Variants in ATP9B observed in about 807,000 individuals in gnomAD.
ATP9B encodes the protein ATPase phospholipid transporting 9B, also known as probable phospholipid-transporting ATPase IIB.
Under a neutral mutation model 146.1 loss-of-function variants are expected in ATP9B, and 110 were observed. The observed-to-expected ratio is 0.75, with a 90% CI of 0.65 to 0.88. The LOEUF (loss-of-function observed/expected upper bound fraction) is 0.88. ATP9B is among the 40% of genes least tolerant of loss of function. The pLI, the probability that ATP9B is intolerant of heterozygous loss-of-function variation, is 0.00. For synonymous variants in ATP9B, 604 were observed against 569.7 expected (o/e 1.06, Z -0.86); for missense variants, 1,499 against 1,496.4 (o/e 1.00, Z -0.03).
intron 9 of ATP9B, among the ~76,000 whole-genome samples, chr18:79,198,392 A>G (rs767788183): frequency 6.6e-6 from 1 of 152,254 alleles, no homozygotes; most frequent in Non-Finnish European, 1.5e-5. Context: ...ATTTCAGAAC[A>G]TAATGAGAAA....
At chr18:79,327,409 T>C (rs1380648221) in intron 15 of ATP9B, among the ~76,000 whole-genome samples, 6 of 151,850 alleles carry the variant, frequency 4.0e-5, no homozygotes. Flanking sequence ...GCTGCAGTGG[T>C]GTGGGACGTT....
intron 11 of ATP9B, among the ~76,000 whole-genome samples, chr18:79,231,546 A>G (rs1599112833): frequency 1.3e-5 from 2 of 152,140 alleles, no homozygotes; most frequent in Non-Finnish European, 2.9e-5. Flanking sequence ...GTGGGAATGT[A>G]AACTAGTACA....
At position 79,110,351 on chromosome 18, in the gene ATP9B, A is replaced by G; in HGVS notation, c.294-4A>G. ...ACACAATACGTATCTTTTGTTTCAT[A>G]CAGTTGCTGTGGTTGGCTGATAAAT... On this transcript the variant is annotated splice_polypyrimidine_tract_variant and splice_region_variant and intron_variant, in intron 2 of 29. Coordinates refer to ENST00000426216, the MANE Select transcript of ATP9B (RefSeq NM_198531.5). The G allele has an allele frequency of 1.3e-6, 2 of 1,582,740 alleles. No homozygotes were observed. Among genetic ancestry groups the G allele is most frequent in the Non-Finnish European group, 1.7e-6 (2 of 1,167,524 alleles).
At chr18:79,136,347 T>G (rs975671876) in intron 5 of ATP9B, among the ~76,000 whole-genome samples, 2 of 152,190 alleles carry the variant, frequency 1.3e-5, no homozygotes, top group Non-Finnish European at 2.9e-5. Flanking sequence ...TGTTTTGTTG[T>G]TTTTTGAGGG....
intron 23 of ATP9B, among the ~76,000 whole-genome samples, chr18:79,346,991 C>G (rs2096892911): frequency 6.6e-6 from 1 of 152,256 alleles, no homozygotes; most frequent in Non-Finnish European, 1.5e-5. Context: ...TGTTGGCGGA[C>G]TGGCGTACAG....
In ATP9B at chr18:79,347,945, G is replaced by A. The variant is rs772705769; in HGVS notation, c.2838+20G>A. On this transcript the variant is annotated intron_variant, in intron 24 of 29. Transcript: ENST00000426216. ...ATGCAGGTACTAAGCCTTCTGTGCT[G>A]GCACCCATGGAGGGCAGGGTCCAGG... The A allele has an allele frequency of 6.2e-7, 1 of 1,608,188 alleles. No individual in the cohort carries two copies.
chr18:79,343,905 G>A (rs1600205900), intron 20 of ATP9B: 1 of 336,400 alleles, frequency 3.0e-6, no homozygotes, highest in South Asian at 2.8e-5. Flanking sequence ...TGTTAAGGGA[G>A]TGTATGTATA....
intron 13 of ATP9B, among the ~76,000 whole-genome samples, chr18:79,289,644 G>T (rs2096481745): frequency 6.6e-6 from 1 of 152,216 alleles, no homozygotes; most frequent in South Asian, 2.1e-4. Flanking sequence ...GCTTTGTTCT[G>T]TTGCTGGTGC....
At chr18:79,236,395 ACT>A (rs1246563923) in intron 11 of ATP9B, among the ~76,000 whole-genome samples, 1 of 151,390 alleles carries the variant, frequency 6.6e-6, no homozygotes, top group African/African-American at 2.4e-5. Flanking sequence ...ATTTTCTCCC[ACT>A]CTGCTGGTTG....
chr18:79,157,207 T>TACACACAC (rs147810207), intron 7 of ATP9B, among the ~76,000 whole-genome samples: 2,787 of 135,356 alleles, frequency 0.021, 37 homozygotes, highest in African/African-American at 0.037. Context: ...CTAAAAAAAA[T>TACACACAC]ACACACACAC....
chr18:79,274,669 A>G (rs894224761), intron 12 of ATP9B, among the ~76,000 whole-genome samples: 1 of 152,186 alleles, frequency 6.6e-6, no homozygotes, highest in African/African-American at 2.4e-5. Context: ...AATTGAAGTC[A>G]GGTGTAGTTT....
At chr18:79,216,771 G>A (rs907788719) in intron 11 of ATP9B, among the ~76,000 whole-genome samples, 2 of 152,172 alleles carry the variant, frequency 1.3e-5, no homozygotes, top group African/African-American at 4.8e-5. Context: ...ATTGTTGGCA[G>A]AATATATCTC....
chr18:79,252,615 C>T (rs1654643073), intron 11 of ATP9B, among the ~76,000 whole-genome samples: 1 of 152,136 alleles, frequency 6.6e-6, no homozygotes, highest in Non-Finnish European at 1.5e-5. Context: ...TTTCCAAGAT[C>T]CTATACAGAA....
rs533416881 is a variant in ATP9B at position 79,069,488 on chromosome 18, C to T, written c.78C>T (p.Tyr26=). The T allele has an allele frequency of 7.0e-4, 1,030 of 1,478,672 alleles. No homozygotes were observed. Among genetic ancestry groups the T allele is most frequent in the Non-Finnish European group, 8.8e-4 (982 of 1,115,132 alleles). 91.6% of individuals were successfully genotyped at this position (1,478,672 alleles called of 1,614,324 possible). The change falls in exon 1 of 30, where the codon TAC becomes TAT. Residue 26 remains tyrosine (Y), a synonymous_variant. Transcript: ENST00000426216. Reference sequence around the variant, plus strand: ...CCAACCGCAAACGCGCGGCCTACTACAGCGCCGCGGGGCCCAGGCCGGGAG... The same window carrying T: ...CCAACCGCAAACGCGCGGCCTACTATAGCGCCGCGGGGCCCAGGCCGGGAG... ...AAANRKRAAY[Y]SAAGPRPGAD...
chr18:79,344,164 C>G, intron 20 of ATP9B, 101 bp from the exon 21 acceptor site: 1 of 1,118,082 alleles, frequency 8.9e-7, no homozygotes, highest in Non-Finnish European at 1.3e-6. Context: ...GATAATAACC[C>G]CAGAACATTC....
intron 1 of ATP9B, among the ~76,000 whole-genome samples, chr18:79,086,866 A>G (rs1449168843): frequency 6.6e-6 from 1 of 152,202 alleles, no homozygotes; most frequent in Non-Finnish European, 1.5e-5. Flanking sequence ...GGGTTTTGCT[A>G]CTAAAGTCAA....
chr18:79,281,776 C>T (rs953512916), intron 13 of ATP9B, among the ~76,000 whole-genome samples: 6 of 152,168 alleles, frequency 3.9e-5, no homozygotes, highest in African/African-American at 1.4e-4. Flanking sequence ...GTAATCCCAG[C>T]ACTTTGGGAG....
At chr18:79,175,197 CAAAAAAA>C (rs536122117) in intron 7 of ATP9B, among the ~76,000 whole-genome samples, 2 of 57,448 alleles carry the variant, frequency 3.5e-5, no homozygotes, top group African/African-American at 5.6e-5. Context: ...GAGACTGTCT[CAAAAAAA>C]AAAAAAAAAG....
At chr18:79,151,133 CA>C (rs558115108) in intron 6 of ATP9B, among the ~76,000 whole-genome samples, 114 of 152,032 alleles carry the variant, frequency 7.5e-4, no homozygotes, top group Non-Finnish European at 1.4e-3. Context: ...CCAGAATGGC[CA>C]AAACAATTTT....
Sources: allele counts gnomAD v4.1 joint callset (sites outside exome capture counted in the v4.1 genomes callset), GRCh38; gene constraint gnomAD v4.1.1; transcripts MANE v1.5; gene names NCBI Gene and HGNC (gene_info 2026-07-23, HGNC 2026-07-21).